The following TTYH1 variants were observed in gnomAD, a reference collection of about 807,000 sequenced individuals.
The protein encoded by TTYH1 is protein tweety homolog 1.
TTYH1 carries 33 observed loss-of-function variants against 61.2 expected under a neutral mutation model. The observed-to-expected ratio is 0.54, with a 90% CI of 0.41 to 0.72. The LOEUF (loss-of-function observed/expected upper bound fraction) is 0.72. Among genes scored for constraint, TTYH1 ranks in the 30% least tolerant of loss-of-function variants. TTYH1 has a pLI of 0.00. For missense variants in TTYH1, 538 were observed against 575.8 expected, an observed-to-expected ratio of 0.93 and a Z score of 0.67; for synonymous variants, 308 against 266.4, an observed-to-expected ratio of 1.16 and a Z score of -1.52.
chr19:54,425,613 G>A (rs889235151), intron 4 of TTYH1, among the ~76,000 whole-genome samples: 5 of 152,108 alleles, frequency 3.3e-5, no homozygotes, highest in Admixed American at 3.3e-4. Flanking sequence ...ATTATTAGTC[G>A]GCCTCGGACA....
intron 10 of TTYH1, chr19:54,432,560 C>T (rs2083463620): frequency 1.3e-5 from 2 of 152,234 alleles, no homozygotes; most frequent in African/African-American, 4.8e-5. Flanking sequence ...CAGTTTTGTC[C>T]TTTCTGCTTC....
Position 54,435,568 on chromosome 19 carries a change from G to T in TTYH1, c.1152G>T (p.Leu384=). The part of the protein sequence containing the change: ...HKDYGAALRG[L]CEDALEGLLF... ...ACTATGGTGCAGCCCTGCGGGGCCT[G>T]TGCGAAGACGCCCTGGAAGGCCTGC... The change falls in exon 11 of 14, where the codon CTG becomes CTT. Residue 384 remains leucine (L), a synonymous_variant. Transcript: ENST00000376530. The T allele has an allele frequency of 6.2e-7, 1 of 1,608,050 alleles. No homozygotes were observed.
intron 5 of TTYH1, among the ~76,000 whole-genome samples, chr19:54,428,093 T>TG (rs2083366822): frequency 1.4e-5 from 2 of 140,906 alleles, no homozygotes; most frequent in African/African-American, 2.7e-5. Context: ...TTTTTTTTTT[T>TG]TTTTTTTTTT....
In TTYH1 at chr19:54,418,550, T is replaced by TAC. The variant is rs371665366; in HGVS notation, c.127-563_127-562dup. ...CCAGTTTCCATTTCTGAGTCTTGCATACACACACACACACACGTTGCCACA... is the reference window on the plus strand; with the variant it reads ...CCAGTTTCCATTTCTGAGTCTTGCATACACACACACACACACACGTTGCCACA... On this transcript the variant is annotated intron_variant, in intron 1 of 13. Transcript: ENST00000376530. 1.8e-3 allele frequency: 274 copies of TAC among 151,140 alleles called. 5 individuals are homozygous for TAC. The Middle Eastern group carries it at 0.03, about 17-fold the overall frequency. 9.4% of individuals were successfully genotyped at this position (151,140 alleles called of 1,614,324 possible). A position where few individuals can be genotyped will look rare whatever the true frequency, so the allele number is the denominator to read the frequency against.
intron 4 of TTYH1, among the ~76,000 whole-genome samples, chr19:54,424,319 A>T (rs1028425444): frequency 6.6e-6 from 1 of 152,190 alleles, no homozygotes; most frequent in African/African-American, 2.4e-5. Flanking sequence ...CGGTGTCCTC[A>T]TTGCTTTGAC....
chr19:54,430,819 A>G lies in TTYH1; in HGVS notation c.946A>G (p.Thr316Ala), dbSNP rs1569265264. The G allele has an allele frequency of 6.2e-7, 1 of 1,613,402 alleles. No individual in the cohort carries two copies. Among genetic ancestry groups the G allele is most frequent in the Non-Finnish European group, 8.5e-7 (1 of 1,179,822 alleles). Reference sequence around the variant, plus strand: ...TCCCTTTCTCTTTCTGCAGAGGCTGACTCTGTCCCAGCGAGCTCTGGCCAA... The same window carrying G: ...TCCCTTTCTCTTTCTGCAGAGGCTGGCTCTGTCCCAGCGAGCTCTGGCCAA... ...AVSNPFQQRLTLSQRALANIH... is the reference protein window; with the variant it reads ...AVSNPFQQRLALSQRALANIH... The change falls in exon 9 of 14, where the codon ACT becomes GCT. Residue 316 changes from threonine to alanine, a missense_variant. By Grantham distance (58) the Thr-to-Ala change is moderately conservative (BLOSUM62 0). Around this residue, in one of 3 missense-constraint regions of TTYH1, gnomAD observed 378 missense variants for 401.2 expected, o/e 0.94. Transcript: ENST00000376530.
At position 54,421,252 on chromosome 19, in the gene TTYH1, T is replaced by A; in HGVS notation, c.306-25T>A. 6.5e-7 allele frequency: 1 copy of A among 1,545,396 alleles called. No homozygotes were observed. Among genetic ancestry groups the A allele is most frequent in the Non-Finnish European group, 8.9e-7 (1 of 1,117,984 alleles). Reference sequence around the variant, plus strand: ...CCCGGGGTCCTGGGACCCGCTGAGATTCCTCTCCCTCCTCCTCCGCTCAGC... The same window carrying A: ...CCCGGGGTCCTGGGACCCGCTGAGAATCCTCTCCCTCCTCCTCCGCTCAGC... On this transcript the variant is annotated intron_variant, in intron 2 of 13. Transcript: ENST00000376530. The surrounding 1 kb of genome is among the most constrained non-coding windows in gnomAD (Gnocchi z 4.8).
chr19:54,430,422 A>C lies in TTYH1; in HGVS notation c.884-128A>C, dbSNP rs1335099299. The C allele has an allele frequency of 1.8e-5, 18 of 996,472 alleles. No homozygotes were observed. In the East Asian group the frequency reaches 3.1e-4, roughly 17 times the overall value. The allele number at this position is 996,472 out of a possible 1,614,324, so 61.7% of individuals were successfully genotyped here. A position where few individuals can be genotyped will look rare whatever the true frequency, so the allele number is the denominator to read the frequency against. Reference sequence around the variant, plus strand: ...CGGGGCTGGCGGGTCTCTGAAGGTAAGGCCATCGGGCTCCAGGGCTGGGCT... The same window carrying C: ...CGGGGCTGGCGGGTCTCTGAAGGTACGGCCATCGGGCTCCAGGGCTGGGCT... On this transcript the variant is annotated intron_variant, in intron 7 of 13. Transcript: ENST00000376530.
rs199609679 is a variant in TTYH1, at chr19:54,435,895, G to A, written c.1314+22G>A. 30 of 1,612,388 alleles carry A rather than the reference G, an allele frequency of 1.9e-5. No homozygotes were observed. The East Asian group carries it at 6.7e-4, about 36-fold the overall frequency. The stretch of plus-strand genomic sequence containing the variant: ...TCAGGTACTGGATGCCTGGGTCTGA[G>A]GGAGGAGGGGCGGGGGGTCCTGAAC... On this transcript the variant is annotated intron_variant, in intron 12 of 13. Transcript: ENST00000376530.
Position 54,415,558 on chromosome 19 carries a change from G to T in TTYH1, c.6G>T (p.Gly2=). ...TGCCCCCTCCCCCGGGGGCCATGGG[G>T]GCGCCCCCGGGCTACCGGCCCTCAG... M[G]APPGYRPSAW... Residue 2 remains glycine, a synonymous_variant, in exon 1 of 14, where the codon GGG becomes GGT. Transcript: ENST00000376530. The surrounding 1 kb of genome is among the most constrained non-coding windows in gnomAD (Gnocchi z 5.2). 6.8e-7 allele frequency: 1 copy of T among 1,475,552 alleles called. No individual in the cohort carries two copies. The highest frequency in any genetic ancestry group is 8.9e-7 in the Non-Finnish European group (1 of 1,118,282). The allele number at this position is 1,475,552 out of a possible 1,614,324, so 91.4% of individuals were successfully genotyped here. A position where few individuals can be genotyped will look rare whatever the true frequency, so the allele number is the denominator to read the frequency against.
At chr19:54,435,350 C>T (rs1213821692) in intron 10 of TTYH1, among the ~76,000 whole-genome samples, 192 bp from the exon 11 acceptor site, 2 of 152,096 alleles carry the variant, frequency 1.3e-5, no homozygotes, top group African/African-American at 4.8e-5. Context: ...GAGTGCCAGG[C>T]CTATCACACC....
intron 7 of TTYH1, among the ~76,000 whole-genome samples, chr19:54,430,302 A>T (rs1345001687): frequency 1.3e-5 from 2 of 152,186 alleles, no homozygotes; most frequent in African/African-American, 4.8e-5. Context: ...GGCCCCCTGG[A>T]GAAAACTGGG....
intron 12 of TTYH1, 79 bp downstream of exon 12, chr19:54,435,952 C>A: frequency 6.3e-7 from 1 of 1,591,334 alleles, no homozygotes; most frequent in South Asian, 1.1e-5. Flanking sequence ...AGCTGAGGGC[C>A]TGGCCGCCTG....
chr19:54,436,702 A>G lies in TTYH1; in HGVS notation c.*412A>G. On this transcript the variant is annotated 3_prime_UTR_variant, in exon 14 of 14. Transcript: ENST00000376530. The surrounding 1 kb of genome is among the most constrained non-coding windows in gnomAD (Gnocchi z 4.3). ...AAAGGGTTGATTTAAAATAAAAGGGAAGACTATTTTACAAGCAGCTGGGTC... is the reference window on the plus strand; with the variant it reads ...AAAGGGTTGATTTAAAATAAAAGGGGAGACTATTTTACAAGCAGCTGGGTC... The G allele has an allele frequency of 2.5e-6, 1 of 405,108 alleles. No homozygotes were observed. The highest frequency in any genetic ancestry group is 4.5e-6 in the Non-Finnish European group (1 of 221,704). The allele number at this position is 405,108 out of a possible 1,614,324, so 25.1% of individuals were successfully genotyped here.
intron 4 of TTYH1, among the ~76,000 whole-genome samples, chr19:54,426,246 TG>T (rs1400531788): frequency 6.6e-6 from 1 of 152,132 alleles, no homozygotes; most frequent in African/African-American, 2.4e-5. Flanking sequence ...GCGGAGGGGC[TG>T]GGGTTGAGAC....
At chr19:54,417,963 A>C (rs2083123830) in intron 1 of TTYH1, among the ~76,000 whole-genome samples, 1 of 151,430 alleles carries the variant, frequency 6.6e-6, no homozygotes, top group South Asian at 2.1e-4. Flanking sequence ...CAAAGATAAA[A>C]ACATCCAGTC....
chr19:54,431,340 T>C, intron 10 of TTYH1, 149 bp downstream of exon 10: 1 of 621,972 alleles, frequency 1.6e-6, no homozygotes, highest in South Asian at 1.9e-5. Context: ...GTCCTATATC[T>C]ATTCTCTACC....
chr19:54,422,548 G>A (rs1248998635), intron 4 of TTYH1, 138 bp downstream of exon 4: 5 of 696,190 alleles, frequency 7.2e-6, no homozygotes, highest in Non-Finnish European at 1.2e-5. Flanking sequence ...CCAATGGGTA[G>A]AGCCCAGGAA....
intron 4 of TTYH1, among the ~76,000 whole-genome samples, chr19:54,425,984 C>A (rs997818884): frequency 6.6e-6 from 1 of 152,004 alleles, no homozygotes; most frequent in Admixed American, 6.6e-5. Flanking sequence ...CCAAAATGCG[C>A]GGATTACAGG....
Sources: allele counts gnomAD v4.1 joint callset (sites outside exome capture counted in the v4.1 genomes callset), GRCh38; gene constraint gnomAD v4.1.1; regional missense constraint gnomAD v4.1.1; non-coding constraint Gnocchi (gnomAD v3.1); transcripts MANE v1.5; gene names NCBI Gene and HGNC (gene_info 2026-07-23, HGNC 2026-07-21).